SLC2A5: variants seen among roughly 807,000 people sequenced by gnomAD.
The protein encoded by SLC2A5 is solute carrier family 2 member 5.
SLC2A5 carries 56 observed loss-of-function variants against 50.3 expected under a neutral mutation model. The observed-to-expected ratio is 1.11, with a 90% CI of 0.90 to 1.39. The LOEUF (loss-of-function observed/expected upper bound fraction) is 1.39, where lower values mean the gene tolerates loss of function less well. Among genes scored for constraint, SLC2A5 ranks in the 40% most tolerant of loss-of-function variants. The probability of loss-of-function intolerance (pLI) is 0.00; values close to 1 mark genes in which losing one functional copy is unlikely to be tolerated. For synonymous variants in SLC2A5, 269 were observed against 281.9 expected (o/e 0.95, Z 0.46); for missense variants, 566 against 650.1 (o/e 0.87, Z 1.41).
Position 9,037,962 on chromosome 1 carries a change from T to C in SLC2A5, c.1237A>G (p.Met413Val). Residue 413 changes from methionine (M) to valine (V), a missense_variant, in exon 11 of 12, where the codon ATG becomes GTG. Transcript: ENST00000377424. Reference protein sequence around the residue: ...FLQSSRPSAFMVGGSVHWLSN... With the variant: ...FLQSSRPSAFVVGGSVHWLSN... ...AGCCAGTGCACACTGCCCCCCACCA[T>C]GAAGGCAGATGGCCGAGAGGACTGC... 1.9e-6 allele frequency: 3 copies of C among 1,613,958 alleles called. No homozygotes were observed. The highest frequency in any genetic ancestry group is 1.3e-5 in the African/African-American group (1 of 75,028).
upstream of SLC2A5, chr1:9,071,650 C>T (rs1642213064): frequency 6.6e-6 from 1 of 152,382 alleles, no homozygotes; most frequent in South Asian, 2.1e-4. Flanking sequence ...GGGGATCATC[C>T]CGGGAGCTGC....
At chr1:9,082,735 A>G (rs1239204222) in intron 2 of SLC2A5, 6 of 370,108 alleles carry the variant, frequency 1.6e-5, no homozygotes, top group Non-Finnish European at 5.3e-6. Context: ...GAACCTGCCC[A>G]GTTGTGGGTG....
chr1:9,066,682 A>G (rs914487606), intron 1 of SLC2A5, among the ~76,000 whole-genome samples: 15 of 151,978 alleles, frequency 9.9e-5, no homozygotes, highest in African/African-American at 2.9e-4. Context: ...TTTGCCCTCT[A>G]CATAGGAGAA....
intron 2 of SLC2A5, chr1:9,082,790 C>A: frequency 2.3e-6 from 1 of 426,960 alleles, no homozygotes. Flanking sequence ...AGTAAATTCC[C>A]AGAAGTCTTT....
intron 3 of SLC2A5, among the ~76,000 whole-genome samples, chr1:9,050,937 C>T (rs1395016809): frequency 5.9e-5 from 9 of 152,088 alleles, no homozygotes; most frequent in Admixed American, 4.6e-4. Flanking sequence ...CCTCAAAATA[C>T]ATACAGCGTC....
rs1641165719 is a variant in SLC2A5, at chr1:9,037,640, C to T, written c.1452G>A (p.Val484=). ...IFTKMNKVSE[V]YPEKEELKEL... ...CTTTCAGTTCCTCCTTTTCCGGGTA[C>T]ACTTCAGACACCTTATTCATCTTGG... Residue 484 remains valine, a synonymous_variant, in exon 12 of 12, where the codon GTG becomes GTA. Coordinates refer to ENST00000377424, the MANE Select transcript of SLC2A5 (RefSeq NM_003039.3). 3 of 1,614,170 alleles carry T rather than the reference C, an allele frequency of 1.9e-6. No homozygotes were observed. The East Asian group carries it at 6.7e-5, about 36-fold the overall frequency.
At chr1:9,091,577 C>T (rs138906079), upstream of SLC2A5, among the ~76,000 whole-genome samples, 2 of 151,970 alleles carry the variant, frequency 1.3e-5, no homozygotes, top group African/African-American at 2.4e-5. Context: ...ATTCAACTCT[C>T]TCAACCCTCT....
chr1:9,067,912 G>A (rs534776444), intron 1 of SLC2A5, among the ~76,000 whole-genome samples: 26 of 152,210 alleles, frequency 1.7e-4, no homozygotes, highest in East Asian at 1.2e-3. Flanking sequence ...TACGATGGCC[G>A]GGCGCGGTGG....
In SLC2A5 at chr1:9,044,850, C is replaced by T. The variant is rs183356282; in HGVS notation, c.418+2760G>A. Among the ~76,000 whole-genome samples the T allele has an allele frequency of 1.7e-3, 266 of 152,236 alleles. 2 individuals are homozygous for T. The highest frequency in any genetic ancestry group is 6.1e-3 in the African/African-American group (255 of 41,536). On this transcript the variant is annotated intron_variant, in intron 4 of 11. Transcript: ENST00000377424. The stretch of plus-strand genomic sequence containing the variant: ...TATTACAGGCATGAGCCACTGCACC[C>T]GGCCATATGCGTGGTTTTAAAATGA...
upstream of SLC2A5, among the ~76,000 whole-genome samples, chr1:9,090,120 C>T (rs536939788): frequency 6.6e-6 from 1 of 152,204 alleles, no homozygotes; most frequent in South Asian, 2.1e-4. Context: ...TCCTCACTGT[C>T]CCACTCCTTT....
chr1:9,066,870 C>T (rs962316839), intron 1 of SLC2A5, among the ~76,000 whole-genome samples: 7 of 151,580 alleles, frequency 4.6e-5, no homozygotes, highest in Admixed American at 1.3e-4. Flanking sequence ...CCCAGCTACT[C>T]GGGAGGCTGA....
intron 1 of SLC2A5, among the ~76,000 whole-genome samples, chr1:9,060,186 A>C (rs1446200183): frequency 7.0e-6 from 1 of 143,608 alleles, no homozygotes; most frequent in Non-Finnish European, 1.5e-5. Flanking sequence ...CAATACACAC[A>C]CTACACACAC....
At chr1:9,074,864 T>C (rs1354710607) in intron 2 of SLC2A5, among the ~76,000 whole-genome samples, 1 of 151,850 alleles carries the variant, frequency 6.6e-6, no homozygotes, top group Non-Finnish European at 1.5e-5. Flanking sequence ...TCTCTACAAA[T>C]AATCAAAAAT....
rs1641476454 is a variant in SLC2A5 at position 9,047,865 on chromosome 1, T to C, written c.294-131A>G. Reference sequence around the variant, plus strand: ...CTTTACTGCTGTGCGTTTAGCTCTCTGGGACCTGAGACTGATACAGGTCAA... The same window carrying C: ...CTTTACTGCTGTGCGTTTAGCTCTCCGGGACCTGAGACTGATACAGGTCAA... On this transcript the variant is annotated intron_variant, in intron 3 of 11. Transcript: ENST00000377424. 3.2e-6 allele frequency: 3 copies of C among 931,474 alleles called. No individual in the cohort carries two copies. In the African/African-American group the frequency reaches 5.0e-5, roughly 16 times the overall value. The allele number at this position is 931,474 out of a possible 1,614,324, so 57.7% of individuals were successfully genotyped here. A position where few individuals can be genotyped will look rare whatever the true frequency, so the allele number is the denominator to read the frequency against.
At chr1:9,060,450 C>A in intron 1 of SLC2A5, among the ~76,000 whole-genome samples, 1 of 147,244 alleles carries the variant, frequency 6.8e-6, no homozygotes, top group East Asian at 2.0e-4. Flanking sequence ...ACACACACAC[C>A]TCCCACACAC....
chr1:9,048,610 C>A (rs1412135674), intron 3 of SLC2A5, among the ~76,000 whole-genome samples: 1 of 151,910 alleles, frequency 6.6e-6, no homozygotes, highest in Non-Finnish European at 1.5e-5. Flanking sequence ...AAATTTAACA[C>A]CATTATGATT....
At chr1:9,045,010 G>A (rs1447180580) in intron 4 of SLC2A5, among the ~76,000 whole-genome samples, 5 of 152,138 alleles carry the variant, frequency 3.3e-5, no homozygotes, top group Non-Finnish European at 7.3e-5. Context: ...GGGATCCCGA[G>A]ACCTTTTAAG....
chr1:9,044,640 C>G (rs1490668034), intron 4 of SLC2A5, among the ~76,000 whole-genome samples: 1 of 152,044 alleles, frequency 6.6e-6, no homozygotes, highest in African/African-American at 2.4e-5. Context: ...CTGCAACCTC[C>G]CCATCCTGGG....
chr1:9,088,761 T>C (rs111754851), upstream of SLC2A5, among the ~76,000 whole-genome samples: 6,278 of 151,934 alleles, frequency 0.041, 273 homozygotes, highest in African/African-American at 0.1. Context: ...CCAGCCTGGG[T>C]GATAGAGCAA....
Sources: gnomAD v4.1 joint callset for allele counts (sites outside exome capture counted in the v4.1 genomes callset) on GRCh38, gnomAD v4.1.1 for gene constraint, MANE v1.5 for transcripts, NCBI Gene and HGNC (gene_info 2026-07-23, HGNC 2026-07-21) for gene names.